The following EBF2 variants were observed in gnomAD, a reference collection of about 807,000 sequenced individuals.
EBF2 encodes EBF transcription factor 2.
Under a neutral mutation model 72.8 loss-of-function variants are expected in EBF2, and 21 were observed. That is an observed-to-expected ratio of 0.29 (90% CI 0.20 to 0.42). The LOEUF is 0.42. EBF2 is among the 10% of genes least tolerant of loss of function. EBF2 has a pLI of 1.00. For missense variants in EBF2, 637 were observed against 731.2 expected (o/e 0.87, Z 1.49); for synonymous variants, 299 against 274.2 (o/e 1.09, Z -0.89).
chr8:25,889,025 A>G (rs1320261201), intron 8 of EBF2, among the ~76,000 whole-genome samples: 1 of 152,206 alleles, frequency 6.6e-6, no homozygotes, highest in Admixed American at 6.5e-5. Context: ...ACAATGATAC[A>G]AGATACATTT....
intron 6 of EBF2, among the ~76,000 whole-genome samples, chr8:26,013,542 A>G (rs1248009154): frequency 1.3e-5 from 2 of 152,174 alleles, no homozygotes; most frequent in African/African-American, 2.4e-5. Flanking sequence ...TCCTTAATTA[A>G]GGCAGAAACA....
chr8:26,033,810 T>C (rs1805448679), intron 5 of EBF2, among the ~76,000 whole-genome samples: 1 of 152,160 alleles, frequency 6.6e-6, no homozygotes, highest in Non-Finnish European at 1.5e-5. Flanking sequence ...ATAAGCTACT[T>C]GAGGGCAGGA....
chr8:25,913,904 T>A (rs1803170439), intron 6 of EBF2, among the ~76,000 whole-genome samples: 1 of 152,100 alleles, frequency 6.6e-6, no homozygotes. Context: ...TACAATTGAG[T>A]TTCATTGTTT....
At chr8:26,028,924 G>T (rs945719395) in intron 6 of EBF2, among the ~76,000 whole-genome samples, 2 of 152,216 alleles carry the variant, frequency 1.3e-5, no homozygotes, top group Non-Finnish European at 2.9e-5. Flanking sequence ...GTCCTGCTAG[G>T]CTGTGTTTTG....
In EBF2 at chr8:25,960,919, T is replaced by C. The variant is rs115196601; in HGVS notation, c.552-52364A>G. ...CTGTGGGTGAGAATAATGCTACTGATATAAATGCACACACGTAAATATAAA... is the reference window on the plus strand; with the variant it reads ...CTGTGGGTGAGAATAATGCTACTGACATAAATGCACACACGTAAATATAAA... On this transcript the variant is annotated intron_variant, in intron 6 of 15. Transcript: ENST00000520164. Among the ~76,000 whole-genome samples the C allele has an allele frequency of 1.5e-3, 236 of 152,342 alleles. 2 individuals carry two copies. Among genetic ancestry groups the C allele is most frequent in the African/African-American group, 5.2e-3 (215 of 41,586 alleles).
At chr8:25,971,924 C>T (rs1011354701) in intron 6 of EBF2, among the ~76,000 whole-genome samples, 2 of 152,234 alleles carry the variant, frequency 1.3e-5, no homozygotes, top group South Asian at 2.1e-4. Flanking sequence ...CAAGGCTGGG[C>T]GCCTCAGGCG....
In EBF2 at chr8:25,844,338, T is replaced by A. The variant is rs1458740567; in HGVS notation, c.*271A>T. ...AAACATAGGAAGGTGGTTTTCATAA[T>A]GTTCATAACAAAGAATTGCATTTCT... On this transcript the variant is annotated 3_prime_UTR_variant, in exon 16 of 16. Transcript: ENST00000520164. The A allele has an allele frequency of 1.6e-5, 5 of 321,920 alleles. No homozygotes were observed. The highest frequency in any genetic ancestry group is 2.8e-5 in the Non-Finnish European group (5 of 176,092). 19.9% of individuals were successfully genotyped at this position (321,920 alleles called of 1,614,324 possible). A position where few individuals can be genotyped will look rare whatever the true frequency, so the allele number is the denominator to read the frequency against.
chr8:25,861,332 A>G lies in EBF2; in HGVS notation c.1141T>C (p.Tyr381His). 6.2e-7 allele frequency: 1 copy of G among 1,614,232 alleles called. No homozygotes were observed. The highest frequency in any genetic ancestry group is 8.5e-7 in the Non-Finnish European group (1 of 1,180,030). Reference protein sequence around the residue: ...KRAADLVEALYGTPHNNQDII... With the variant: ...KRAADLVEALHGTPHNNQDII... ...ACCTGGTTATTGTGTGGTGTGCCATAAAGAGCTTCCACTAGATCTGCAGCT... is the reference window on the plus strand; with the variant it reads ...ACCTGGTTATTGTGTGGTGTGCCATGAAGAGCTTCCACTAGATCTGCAGCT... The change falls in exon 12 of 16, where the codon TAT becomes CAT. Residue 381 changes from tyrosine to histidine, a missense_variant. Tyr to His is a moderately conservative substitution (Grantham distance 83). Around this residue, in one of 3 missense-constraint regions of EBF2, gnomAD observed 259 missense variants for 268.1 expected, o/e 0.97. Transcript: ENST00000520164.
chr8:25,932,794 A>C (rs2117147483), intron 6 of EBF2, among the ~76,000 whole-genome samples: 1 of 152,336 alleles, frequency 6.6e-6, no homozygotes. Context: ...TAAAAAGCTC[A>C]GAAGCAGACT....
intron 6 of EBF2, among the ~76,000 whole-genome samples, chr8:26,011,770 A>G (rs1260214999): frequency 6.6e-6 from 1 of 152,144 alleles, no homozygotes; most frequent in African/African-American, 2.4e-5. Flanking sequence ...TCCAACTGTC[A>G]GCAGTCTTAA....
chr8:26,035,669 T>C (rs1805489130), intron 5 of EBF2, among the ~76,000 whole-genome samples: 1 of 152,196 alleles, frequency 6.6e-6, no homozygotes, highest in South Asian at 2.1e-4. Context: ...TTTAAGAAAT[T>C]TAATCAAATT....
chr8:25,875,472 A>C (rs1234111582), intron 10 of EBF2, among the ~76,000 whole-genome samples: 1 of 152,188 alleles, frequency 6.6e-6, no homozygotes, highest in African/African-American at 2.4e-5. Flanking sequence ...GGTTCTCTCA[A>C]GCTTAATAAA....
chr8:26,040,792 G>T (rs1204051817), intron 3 of EBF2, 121 bp from the exon 4 acceptor site: 2 of 1,473,236 alleles, frequency 1.4e-6, no homozygotes, highest in African/African-American at 2.8e-5. Flanking sequence ...CCCTGGAGAC[G>T]GTGACCTCCC....
chr8:26,029,274 G>C (rs1805354076), intron 6 of EBF2, among the ~76,000 whole-genome samples: 1 of 152,168 alleles, frequency 6.6e-6, no homozygotes, highest in South Asian at 2.1e-4. Context: ...TTTTGTGTTT[G>C]AGCTGGAAGT....
In EBF2 at chr8:25,998,036, G is replaced by T. The variant is rs562640116; in HGVS notation, c.551+35049C>A. Among the ~76,000 whole-genome samples the T allele has an allele frequency of 4.6e-5, 7 of 152,044 alleles. No individual in the cohort carries two copies. In the South Asian group the frequency reaches 1.0e-3, roughly 23 times the overall value. On this transcript the variant is annotated intron_variant, in intron 6 of 15. Transcript: ENST00000520164. ...TAGAGACTTTTAACTTATCCCTCTTGCTCTTTGGCAAACAAAATAGACTAA... is the reference window on the plus strand; with the variant it reads ...TAGAGACTTTTAACTTATCCCTCTTTCTCTTTGGCAAACAAAATAGACTAA...
intron 5 of EBF2, 75 bp from the exon 6 acceptor site, chr8:26,033,228 C>A: frequency 7.0e-7 from 1 of 1,434,876 alleles, no homozygotes; most frequent in Non-Finnish European, 9.8e-7. Flanking sequence ...ATGACAAGAA[C>A]ATTTTTTCCC....
intron 10 of EBF2, among the ~76,000 whole-genome samples, chr8:25,867,047 T>C (rs930540099): frequency 4.6e-5 from 7 of 152,190 alleles, no homozygotes; most frequent in Non-Finnish European, 1.0e-4. Flanking sequence ...ATTCAACCAT[T>C]AATACCAGAT....
At chr8:25,927,383 T>TTA (rs1803404559) in intron 6 of EBF2, among the ~76,000 whole-genome samples, 2 of 150,042 alleles carry the variant, frequency 1.3e-5, no homozygotes, top group Admixed American at 1.3e-4. Flanking sequence ...GTTATATATA[T>TTA]TATATACACA....
chr8:26,021,139 T>C (rs975251068), intron 6 of EBF2, among the ~76,000 whole-genome samples: 4 of 151,786 alleles, frequency 2.6e-5, no homozygotes, highest in Non-Finnish European at 5.9e-5. Context: ...CCAGGGGAGG[T>C]GACAAGTCCA....
Sources: allele counts gnomAD v4.1 joint callset (sites outside exome capture counted in the v4.1 genomes callset), GRCh38; gene constraint gnomAD v4.1.1; regional missense constraint gnomAD v4.1.1; transcripts MANE v1.5; gene names NCBI Gene and HGNC (gene_info 2026-07-23, HGNC 2026-07-21).